GPSM2: variants seen among roughly 807,000 people sequenced by gnomAD.
The protein encoded by GPSM2 is G protein signaling modulator 2.
A neutral mutation model predicts 78.4 loss-of-function variants in GPSM2; 58 were observed. That is an observed-to-expected ratio of 0.74 (90% confidence interval 0.60 to 0.92). The LOEUF is 0.92. Ranked by LOEUF, GPSM2 falls within the 40% of genes least tolerant of loss-of-function variation. The pLI, the probability that GPSM2 is intolerant of heterozygous loss-of-function variation, is 0.00. For missense variants in GPSM2, 700 were observed against 815.5 expected (o/e 0.86, Z 1.73); for synonymous variants, 224 against 280.2 (o/e 0.80, Z 2.00).
intron 14 of GPSM2, 178 bp downstream of exon 14, chr1:108,924,392 G>A: frequency 7.4e-6 from 5 of 671,376 alleles, no homozygotes; most frequent in Non-Finnish European, 1.4e-5. Flanking sequence ...TAGGCATCGA[G>A]GACACACTTG....
rs1163814360 is a variant in GPSM2, at chr1:108,932,804, G to A, written c.*2864G>A. ...GATTCATTTGTTAAACATGTCCTCT[G>A]TGTTAAAAATCCTAAAATCCTTTTG... On this transcript the variant is annotated 3_prime_UTR_variant, in exon 15 of 15. Coordinates refer to ENST00000264126, the MANE Select transcript of GPSM2 (RefSeq NM_013296.5). 1 of 152,214 alleles carries A rather than the reference G, an allele frequency of 6.6e-6. No individual in the cohort carries two copies. Among genetic ancestry groups the A allele is most frequent in the African/African-American group, 2.4e-5 (1 of 41,452 alleles). The allele number at this position is 152,214 out of a possible 1,614,324, so 9.4% of individuals were successfully genotyped here.
At chr1:108,929,490 A>G (rs1346658806) in intron 14 of GPSM2, 1 of 592,226 alleles carries the variant, frequency 1.7e-6, no homozygotes, top group Non-Finnish European at 3.0e-6. Context: ...ATTTTAAAGG[A>G]AAAATTTTAT....
Position 108,924,179 on chromosome 1 carries a change from G to A in GPSM2, c.1780G>A (p.Asp594Asn), listed in dbSNP as rs757748322. Residue 594 changes from aspartate (D) to asparagine (N), a missense_variant, in exon 14 of 15, where the codon GAT becomes AAT. Transcript: ENST00000264126. ...HLMTNDNKEA[D>N]EDFFDILVKC... ...GATGACTAATGACAACAAAGAGGCT[G>A]ATGAAGATTTCTTTGACATCCTTGT... The A allele has an allele frequency of 4.3e-6, 7 of 1,613,312 alleles. No individual in the cohort carries two copies. The highest frequency in any genetic ancestry group is 1.1e-5 in the South Asian group (1 of 91,068).
rs1652002486 is a variant in GPSM2 at position 108,931,687 on chromosome 1, A to G, written c.*1747A>G. 1 of 650,480 alleles carries G rather than the reference A, an allele frequency of 1.5e-6. No homozygotes were observed. The highest frequency in any genetic ancestry group is 2.8e-5 in the South Asian group (1 of 36,258). 40.3% of individuals were successfully genotyped at this position (650,480 alleles called of 1,614,324 possible). On this transcript the variant is annotated 3_prime_UTR_variant, in exon 15 of 15. Coordinates refer to ENST00000264126, the MANE Select transcript of GPSM2 (RefSeq NM_013296.5). ...GATTACATTATGTTTCATGTATACT[A>G]TAAGGTATGATGTCCTGGATAGCAT...
rs1055671394 is a variant in GPSM2 at position 108,933,612 on chromosome 1, A to G, written c.*3672A>G. ...CACTTTTAGTAAGCAGTTGAACATA[A>G]CTTGTAGTGTGAATATGGTTAAAAC... is the stretch of plus-strand genomic sequence containing the variant. On this transcript the variant is annotated 3_prime_UTR_variant, in exon 15 of 15. Transcript: ENST00000264126. 3 of 152,250 alleles carry G rather than the reference A, an allele frequency of 2.0e-5. No homozygotes were observed. Among genetic ancestry groups the G allele is most frequent in the African/African-American group, 4.8e-5 (2 of 41,468 alleles). The allele number at this position is 152,250 out of a possible 1,614,324, so 9.4% of individuals were successfully genotyped here.
chr1:108,895,509 G>C (rs930848227), intron 2 of GPSM2, among the ~76,000 whole-genome samples: 5 of 152,176 alleles, frequency 3.3e-5, no homozygotes, highest in Admixed American at 6.5e-5. Context: ...GGACGAGTGA[G>C]CATTTTCACC....
At chr1:108,928,555 A>G (rs953599091) in intron 14 of GPSM2, among the ~76,000 whole-genome samples, 3 of 152,230 alleles carry the variant, frequency 2.0e-5, no homozygotes, top group East Asian at 1.9e-4. Context: ...GTCCCTAACA[A>G]TGTAGTGCAT....
At chr1:108,914,474 T>C (rs1209735544) in intron 11 of GPSM2, 66 bp downstream of exon 11, 3 of 1,125,522 alleles carry the variant, frequency 2.7e-6, no homozygotes, top group Non-Finnish European at 3.9e-6. Flanking sequence ...AATTTTTAAT[T>C]TAATGAAATA....
intron 13 of GPSM2, 150 bp from the exon 14 acceptor site, chr1:108,923,850 C>T: frequency 1.5e-6 from 1 of 668,986 alleles, no homozygotes; most frequent in Non-Finnish European, 2.7e-6. Context: ...AGCCAAAGCC[C>T]ATCAGTGTCA....
chr1:108,912,530 A>C (rs1035125753), intron 10 of GPSM2, among the ~76,000 whole-genome samples: 1 of 151,024 alleles, frequency 6.6e-6, no homozygotes, highest in Admixed American at 6.6e-5. Context: ...GATCGCTTGC[A>C]TCCAGCAGTC....
In GPSM2 at chr1:108,934,400, T is replaced by A. The variant is rs1354616537; in HGVS notation, c.*4460T>A. 1 of 415,016 alleles carries A rather than the reference T, an allele frequency of 2.4e-6. No homozygotes were observed. The highest frequency in any genetic ancestry group is 4.3e-6 in the Non-Finnish European group (1 of 234,238). The allele number at this position is 415,016 out of a possible 1,614,324, so 25.7% of individuals were successfully genotyped here. A position where few individuals can be genotyped will look rare whatever the true frequency, so the allele number is the denominator to read the frequency against. Reference sequence around the variant, plus strand: ...CTCCTTAACTATCCAGAATCAGTGATGCCTGTCATCTGTTCATCTTAAAAT... The same window carrying A: ...CTCCTTAACTATCCAGAATCAGTGAAGCCTGTCATCTGTTCATCTTAAAAT... On this transcript the variant is annotated 3_prime_UTR_variant, in exon 15 of 15. Coordinates refer to ENST00000264126, the MANE Select transcript of GPSM2 (RefSeq NM_013296.5).
At chr1:108,878,162 G>A (rs1483454525) in intron 1 of GPSM2, among the ~76,000 whole-genome samples, 2 of 152,048 alleles carry the variant, frequency 1.3e-5, no homozygotes. Flanking sequence ...CTTTTGATTG[G>A]GTTCTCACTA....
rs754426356 is a variant in GPSM2 at position 108,934,321 on chromosome 1, G to A, written c.*4381G>A. Reference sequence around the variant, plus strand: ...AATGTAAATTGGTTAGTGGGTTCCCGTAAGTGCCTGTAACAATAAAATTTC... The same window carrying A: ...AATGTAAATTGGTTAGTGGGTTCCCATAAGTGCCTGTAACAATAAAATTTC... On this transcript the variant is annotated 3_prime_UTR_variant, in exon 15 of 15. Transcript: ENST00000264126. 32 of 219,768 alleles carry A rather than the reference G, an allele frequency of 1.5e-4. No individual in the cohort carries two copies. Among genetic ancestry groups the A allele is most frequent in the Non-Finnish European group, 1.9e-4 (21 of 110,204 alleles). The allele number at this position is 219,768 out of a possible 1,614,324, so 13.6% of individuals were successfully genotyped here. A position where few individuals can be genotyped will look rare whatever the true frequency, so the allele number is the denominator to read the frequency against.
intron 10 of GPSM2, among the ~76,000 whole-genome samples, chr1:108,913,571 A>C (rs1297636760): frequency 6.6e-6 from 1 of 152,248 alleles, no homozygotes; most frequent in Non-Finnish European, 1.5e-5. Context: ...AAACCAATAT[A>C]GTTTCAAAAG....
intron 10 of GPSM2, among the ~76,000 whole-genome samples, chr1:108,908,228 A>G (rs1418729383): frequency 1.3e-5 from 2 of 151,616 alleles, no homozygotes; most frequent in African/African-American, 2.4e-5. Flanking sequence ...AAAATTAGCC[A>G]GGCGTGGTGG....
At chr1:108,917,671 A>ATATATATATATAT in intron 11 of GPSM2, among the ~76,000 whole-genome samples, 1 of 82,578 alleles carries the variant, frequency 1.2e-5, no homozygotes, top group Admixed American at 1.8e-4. Context: ...TATATAAATG[A>ATATATATATATAT]GTTCTCACTA....
chr1:108,931,293 C>G lies in GPSM2; in HGVS notation c.*1353C>G. 1.3e-6 allele frequency: 2 copies of G among 1,527,804 alleles called. No individual in the cohort carries two copies. Among genetic ancestry groups the G allele is most frequent in the Non-Finnish European group, 1.8e-6 (2 of 1,135,500 alleles). 94.6% of individuals were successfully genotyped at this position (1,527,804 alleles called of 1,614,324 possible). A position where few individuals can be genotyped will look rare whatever the true frequency, so the allele number is the denominator to read the frequency against. On this transcript the variant is annotated 3_prime_UTR_variant, in exon 15 of 15. Transcript: ENST00000264126. ...AGCTAGAACCTTAGTTGTCATTAAG[C>G]TTTGTCTTCCTTATCCCAGATATTG...
chr1:108,928,464 C>T (rs1651330271), intron 14 of GPSM2, among the ~76,000 whole-genome samples: 1 of 152,220 alleles, frequency 6.6e-6, no homozygotes, highest in Admixed American at 6.5e-5. Flanking sequence ...GTGGAGGTGG[C>T]ACTCACTTAG....
chr1:108,904,242 A>T lies in GPSM2; in HGVS notation c.1180A>T (p.Ser394Cys). Reference sequence around the variant, plus strand: ...AATGTCTGAAAATACTGAAATTGATAGCAGTTTGAATGGTAAGTAATAGGA... The same window carrying T: ...AATGTCTGAAAATACTGAAATTGATTGCAGTTTGAATGGTAAGTAATAGGA... ...SIMSENTEID[S>C]SLNGVRPKLG... Residue 394 changes from serine (S) to cysteine (C), a missense_variant, in exon 10 of 15, where the codon AGC becomes TGC. Physicochemically the swap from Ser to Cys is moderately radical, Grantham distance 112. Transcript: ENST00000264126. 2.5e-6 allele frequency: 4 copies of T among 1,594,886 alleles called. No individual in the cohort carries two copies. The highest frequency in any genetic ancestry group is 3.4e-6 in the Non-Finnish European group (4 of 1,163,630).
Sources: allele counts gnomAD v4.1 joint callset (sites outside exome capture counted in the v4.1 genomes callset), GRCh38; gene constraint gnomAD v4.1.1; transcripts MANE v1.5; gene names NCBI Gene and HGNC (gene_info 2026-07-23, HGNC 2026-07-21).